Variants in SYT1 observed in about 807,000 individuals in gnomAD.
SYT1 encodes synaptotagmin-1.
SYT1 carries 8 observed loss-of-function variants against 44.8 expected under a neutral mutation model. That is an observed-to-expected ratio of 0.18 (90% CI 0.10 to 0.32). The LOEUF (loss-of-function observed/expected upper bound fraction) is 0.32, where lower values mean the gene tolerates loss of function less well. SYT1 is among the 10% of genes least tolerant of loss of function. The probability of loss-of-function intolerance (pLI) is 1.00; values close to 1 mark genes in which losing one functional copy is unlikely to be tolerated. For missense variants in SYT1, 286 were observed against 509.3 expected, an observed-to-expected ratio of 0.56 and a Z score of 4.22; for synonymous variants, 154 against 188.8, an observed-to-expected ratio of 0.82 and a Z score of 1.51.
At chr12:79,204,340 G>T (rs1873970868) in intron 3 of SYT1, among the ~76,000 whole-genome samples, 2 of 152,136 alleles carry the variant, frequency 1.3e-5, no homozygotes, top group Admixed American at 1.3e-4. Flanking sequence ...TTAAAGTTTT[G>T]CTTCACTGTG....
chr12:79,035,949 C>CAAAA (rs5799409), intron 2 of SYT1, among the ~76,000 whole-genome samples: 6 of 128,266 alleles, frequency 4.7e-5, no homozygotes, highest in Non-Finnish European at 3.5e-5. Context: ...AACAAACAAA[C>CAAAA]AAAAAAAAAA....
At chr12:79,093,507 G>T (rs545407539) in intron 3 of SYT1, among the ~76,000 whole-genome samples, 2 of 151,772 alleles carry the variant, frequency 1.3e-5, no homozygotes, top group Admixed American at 1.3e-4. Flanking sequence ...TAAAAGAGAA[G>T]ACCAAAGTTT....
chr12:79,159,791 T>A (rs2138300426), intron 3 of SYT1, among the ~76,000 whole-genome samples: 1 of 152,124 alleles, frequency 6.6e-6, no homozygotes, highest in South Asian at 2.1e-4. Flanking sequence ...TTTTAAGAAA[T>A]CCTAAGAAAG....
intron 9 of SYT1, among the ~76,000 whole-genome samples, chr12:79,381,817 G>C (rs1884234352): frequency 1.3e-5 from 2 of 152,154 alleles, no homozygotes; most frequent in Admixed American, 6.5e-5. Context: ...TGTTAGGATA[G>C]GATTGTCCAG....
At chr12:78,961,679 A>G (rs1354221916) in intron 1 of SYT1, among the ~76,000 whole-genome samples, 1 of 152,156 alleles carries the variant, frequency 6.6e-6, no homozygotes, top group East Asian at 1.9e-4. Flanking sequence ...CTTAGGCATT[A>G]CTAATGACAA....
chr12:79,310,999 C>T (rs934334711), intron 8 of SYT1, among the ~76,000 whole-genome samples: 13 of 152,230 alleles, frequency 8.5e-5, no homozygotes, highest in Admixed American at 2.0e-4. Flanking sequence ...TAATTGAATA[C>T]GCTTTATTTC....
At chr12:78,953,119 A>T (rs1879048761) in intron 1 of SYT1, among the ~76,000 whole-genome samples, 1 of 152,108 alleles carries the variant, frequency 6.6e-6, no homozygotes, top group Admixed American at 6.6e-5. Flanking sequence ...TAAGGGCACA[A>T]TAAAAAGAGC....
rs527939248 is a variant in SYT1 at position 79,170,767 on chromosome 12, C to G, written c.-17-46736C>G. ...GCTTTTGGTATCTTCATCATGAAAT[C>G]TTTGCCCATACCTATGTCCTGAATG... On this transcript the variant is annotated intron_variant, in intron 3 of 10. Transcript: ENST00000261205. Among the ~76,000 whole-genome samples the G allele has an allele frequency of 5.3e-5, 8 of 152,218 alleles. No individual in the cohort carries two copies. In the South Asian group the frequency reaches 1.7e-3, roughly 32 times the overall value.
intron 8 of SYT1, among the ~76,000 whole-genome samples, chr12:79,329,319 T>C (rs1881751875): frequency 4.6e-5 from 7 of 152,190 alleles, no homozygotes; most frequent in Admixed American, 3.9e-4. Flanking sequence ...AAAAACCTGG[T>C]AAGAGAGCTG....
At chr12:79,026,702 T>TATATATATAAAA (rs34140383) in intron 2 of SYT1, among the ~76,000 whole-genome samples, 1,618 of 125,162 alleles carry the variant, frequency 0.013, 30 homozygotes, top group Middle Eastern at 0.02. Flanking sequence ...TATATATATA[T>TATATATATAAAA]CACACTTTCA....
At chr12:79,234,738 G>T (rs1167268864) in intron 4 of SYT1, among the ~76,000 whole-genome samples, 4 of 129,088 alleles carry the variant, frequency 3.1e-5, no homozygotes, top group East Asian at 2.3e-4. Context: ...TTGAGATGAA[G>T]TCTTGCTGTG....
chr12:79,268,716 T>C (rs1384412964), intron 4 of SYT1, among the ~76,000 whole-genome samples: 1 of 152,198 alleles, frequency 6.6e-6, no homozygotes, highest in East Asian at 1.9e-4. Flanking sequence ...GGGAGGAGAA[T>C]GTGACATGTA....
chr12:78,946,352 T>C (rs1460808761), intron 1 of SYT1, among the ~76,000 whole-genome samples: 1 of 152,054 alleles, frequency 6.6e-6, no homozygotes, highest in Non-Finnish European at 1.5e-5. Flanking sequence ...TCATACGTAA[T>C]GGATAAAAGC....
At chr12:78,891,507 A>T (rs567906545) in intron 1 of SYT1, among the ~76,000 whole-genome samples, 1 of 152,064 alleles carries the variant, frequency 6.6e-6, no homozygotes, top group South Asian at 2.1e-4. Flanking sequence ...GTTTGATTAA[A>T]GGAAAATATC....
At chr12:79,274,544 A>G (rs909204557) in intron 4 of SYT1, among the ~76,000 whole-genome samples, 2 of 152,180 alleles carry the variant, frequency 1.3e-5, no homozygotes, top group African/African-American at 4.8e-5. Context: ...GCTGCTTTGC[A>G]TCTGCACTTG....
chr12:79,017,650 T>C (rs1182849920), intron 2 of SYT1, among the ~76,000 whole-genome samples: 1 of 151,928 alleles, frequency 6.6e-6, no homozygotes, highest in African/African-American at 2.4e-5. Context: ...GGAGCCAATG[T>C]TGGAGGAAGA....
At chr12:79,052,602 A>G (rs546047664) in intron 3 of SYT1, among the ~76,000 whole-genome samples, 6 of 152,230 alleles carry the variant, frequency 3.9e-5, no homozygotes, top group South Asian at 2.1e-4. Flanking sequence ...TTTGCAATCT[A>G]CTCATCTGAC....
intron 4 of SYT1, among the ~76,000 whole-genome samples, chr12:79,270,711 C>A (rs1212443686): frequency 6.6e-6 from 1 of 152,098 alleles, no homozygotes; most frequent in Admixed American, 6.5e-5. Context: ...AGTTTTCCAG[C>A]CTAGGGGACA....
At chr12:79,426,693 C>A (rs1869470230) in intron 9 of SYT1, among the ~76,000 whole-genome samples, 1 of 152,168 alleles carries the variant, frequency 6.6e-6, no homozygotes, top group African/African-American at 2.4e-5. Flanking sequence ...AAAAGTACAG[C>A]CACACAACAG....
Sources: allele counts gnomAD v4.1 joint callset (sites outside exome capture counted in the v4.1 genomes callset), GRCh38; gene constraint gnomAD v4.1.1; transcripts MANE v1.5; gene names NCBI Gene and HGNC (gene_info 2026-07-23, HGNC 2026-07-21).